Variants in DPT observed in about 807,000 individuals in gnomAD.
DPT encodes the protein tyrosine-rich acidic matrix protein.
Under a neutral mutation model 31.2 loss-of-function variants are expected in DPT, and 21 were observed. The observed-to-expected ratio is 0.67, with a 90% CI of 0.48 to 0.97. The LOEUF (loss-of-function observed/expected upper bound fraction) is 0.97. Ranked by LOEUF, DPT falls within the 50% of genes least tolerant of loss-of-function variation. The pLI, the probability that DPT is intolerant of heterozygous loss-of-function variation, is 0.00. For missense variants in DPT, 262 were observed against 258.8 expected (o/e 1.01, Z -0.08); for synonymous variants, 91 against 86.9 (o/e 1.05, Z -0.26).
chr1:168,727,760 ACT>A, intron 1 of DPT, among the ~76,000 whole-genome samples: 1 of 151,228 alleles, frequency 6.6e-6, no homozygotes, highest in South Asian at 2.1e-4. Flanking sequence ...CTGGTCTCGA[ACT>A]CTTGATCTCA....
intron 2 of DPT, among the ~76,000 whole-genome samples, chr1:168,712,895 G>A (rs951828402): frequency 1.3e-5 from 2 of 152,022 alleles, no homozygotes; most frequent in East Asian, 1.9e-4. Flanking sequence ...CCCCCCTGAA[G>A]ACAAGGTCTA....
At chr1:168,718,292 T>C (rs1650031015) in intron 1 of DPT, among the ~76,000 whole-genome samples, 1 of 152,210 alleles carries the variant, frequency 6.6e-6, no homozygotes, top group African/African-American at 2.4e-5. Context: ...CTGAAGGCAA[T>C]CCAAGTTCCA....
chr1:168,729,029 T>C lies in DPT; in HGVS notation c.146A>G (p.Gln49Arg), dbSNP rs919049121. 1.9e-6 allele frequency: 3 copies of C among 1,614,078 alleles called. No individual in the cohort carries two copies. The highest frequency in any genetic ancestry group is 2.7e-5 in the African/African-American group (2 of 74,924). Residue 49 changes from glutamine (Q) to arginine (R), a missense_variant, in exon 1 of 4, where the codon CAG becomes CGG. Transcript: ENST00000367817. ...CACTATCACCTGCCCCTGGGGACAC[T>C]GGTAGCTGAAGCCTTGCCGGTTCAA... is the stretch of plus-strand genomic sequence containing the variant. Reference protein sequence around the residue: ...VNLNRQGFSYQCPQGQVIVAV... With the variant: ...VNLNRQGFSYRCPQGQVIVAV...
chr1:168,724,221 T>C (rs991294763), intron 1 of DPT, among the ~76,000 whole-genome samples: 2 of 152,230 alleles, frequency 1.3e-5, no homozygotes, highest in African/African-American at 4.8e-5. Flanking sequence ...TAAGAAATCT[T>C]GAAAGACCAT....
intron 1 of DPT, among the ~76,000 whole-genome samples, chr1:168,717,257 T>TG (rs1452375855): frequency 1.3e-5 from 2 of 152,240 alleles, no homozygotes; most frequent in Admixed American, 6.5e-5. Context: ...TTGACTGGCA[T>TG]GAGATGGTAT....
At chr1:168,701,454 T>A (rs1649595585) in intron 2 of DPT, among the ~76,000 whole-genome samples, 1 of 152,220 alleles carries the variant, frequency 6.6e-6, no homozygotes. Context: ...ACTAAGACAA[T>A]GTTTTCAAAT....
At chr1:168,723,762 G>C (rs1650172919) in intron 1 of DPT, among the ~76,000 whole-genome samples, 2 of 152,136 alleles carry the variant, frequency 1.3e-5, no homozygotes, top group African/African-American at 4.8e-5. Flanking sequence ...TTGTGCCCAA[G>C]ACCCCCTCCA....
chr1:168,709,981 T>G (rs562160942), intron 2 of DPT, among the ~76,000 whole-genome samples: 1 of 152,378 alleles, frequency 6.6e-6, no homozygotes, highest in South Asian at 2.1e-4. Context: ...TCCTAGGGGC[T>G]TGCAACATTC....
At chr1:168,708,592 A>G (rs6696687) in intron 2 of DPT, among the ~76,000 whole-genome samples, 17,885 of 152,186 alleles carry the variant, frequency 0.12, 1,240 homozygotes, top group African/African-American at 0.2. Flanking sequence ...ATTTTACTTT[A>G]AGTTCTAGGG....
intron 2 of DPT, among the ~76,000 whole-genome samples, chr1:168,707,925 A>G (rs760113978): frequency 6.6e-5 from 10 of 152,154 alleles, no homozygotes; most frequent in Non-Finnish European, 1.3e-4. Context: ...CTTTATTAGC[A>G]GTGTGAGAAT....
intron 2 of DPT, among the ~76,000 whole-genome samples, chr1:168,712,044 T>A (rs538571607): frequency 6.6e-6 from 1 of 152,238 alleles, no homozygotes; most frequent in African/African-American, 2.4e-5. Context: ...CCTCCACAAT[T>A]ATTAATGTGG....
intron 1 of DPT, among the ~76,000 whole-genome samples, chr1:168,721,808 G>A (rs968672470): frequency 6.6e-6 from 1 of 152,176 alleles, no homozygotes; most frequent in East Asian, 1.9e-4. Context: ...CCATGGTGGG[G>A]ATATGAACAG....
chr1:168,706,043 C>T (rs523582), intron 2 of DPT, among the ~76,000 whole-genome samples: 64,250 of 151,698 alleles, frequency 0.42, 13,695 homozygotes, highest in East Asian at 0.5. Context: ...TGTAAATTGC[C>T]CAGTCTCGGG....
At chr1:168,726,831 A>C (rs1650255095) in intron 1 of DPT, among the ~76,000 whole-genome samples, 2 of 152,364 alleles carry the variant, frequency 1.3e-5, no homozygotes, top group South Asian at 4.1e-4. Flanking sequence ...TGGTCTCTGA[A>C]TCAGCATCTG....
chr1:168,696,695 A>G (rs1557844660), intron 3 of DPT, 80 bp from the exon 4 acceptor site: 5 of 1,286,720 alleles, frequency 3.9e-6, no homozygotes, highest in South Asian at 1.3e-5. Context: ...AAACAGCAGC[A>G]GAGAACATTT....
intron 1 of DPT, among the ~76,000 whole-genome samples, chr1:168,728,427 T>G (rs911025316): frequency 6.6e-6 from 1 of 152,248 alleles, no homozygotes; most frequent in Non-Finnish European, 1.5e-5. Flanking sequence ...CCCAAACTAC[T>G]GTGGGCCAGT....
intron 1 of DPT, among the ~76,000 whole-genome samples, chr1:168,721,135 G>A (rs1189801491): frequency 1.3e-5 from 2 of 152,206 alleles, no homozygotes; most frequent in Non-Finnish European, 2.9e-5. Flanking sequence ...ATAGGAGAGT[G>A]GTTGGGGACA....
At chr1:168,696,846 C>T (rs1304659277) in intron 3 of DPT, among the ~76,000 whole-genome samples, 4 of 152,200 alleles carry the variant, frequency 2.6e-5, no homozygotes, top group Non-Finnish European at 5.9e-5. Context: ...TGTGTGGAGG[C>T]CTCTGTTCAT....
In DPT at chr1:168,695,494, T is replaced by G. The variant is rs1281636294; in HGVS notation, c.*1055A>C. The stretch of plus-strand genomic sequence containing the variant: ...AGTGAACGTTAATATTTTTATTTCT[T>G]TTGTAATGAAGAGTACAAATGGTTG... On this transcript the variant is annotated 3_prime_UTR_variant, in exon 4 of 4. Coordinates refer to ENST00000367817, the MANE Select transcript of DPT (RefSeq NM_001937.5). 2 of 152,210 alleles carry G rather than the reference T, an allele frequency of 1.3e-5. No homozygotes were observed. The highest frequency in any genetic ancestry group is 1.9e-4 in the East Asian group (1 of 5,198). 9.4% of individuals were successfully genotyped at this position (152,210 alleles called of 1,614,324 possible).
Sources: allele counts gnomAD v4.1 joint callset (sites outside exome capture counted in the v4.1 genomes callset), GRCh38; gene constraint gnomAD v4.1.1; transcripts MANE v1.5; gene names NCBI Gene and HGNC (gene_info 2026-07-23, HGNC 2026-07-21).